ANO4: variants seen among roughly 807,000 people sequenced by gnomAD.
ANO4 encodes anoctamin-4.
ANO4 carries 69 observed loss-of-function variants against 141.9 expected under a neutral mutation model. The observed-to-expected ratio is 0.49, with a 90% CI of 0.40 to 0.59. The LOEUF (loss-of-function observed/expected upper bound fraction) is 0.59, where lower values mean the gene tolerates loss of function less well. Among genes scored for constraint, ANO4 ranks in the 20% least tolerant of loss-of-function variants. The pLI, the probability that ANO4 is intolerant of heterozygous loss-of-function variation, is 0.00. For missense variants in ANO4, 894 were observed against 1,162.2 expected (o/e 0.77, Z 3.36); for synonymous variants, 350 against 394.3 (o/e 0.89, Z 1.33).
intron 17 of ANO4, among the ~76,000 whole-genome samples, chr12:101,087,978 A>G (rs561997767): frequency 1.3e-5 from 2 of 152,262 alleles, no homozygotes; most frequent in African/African-American, 4.8e-5. Flanking sequence ...TAGGCTCAAC[A>G]TGGAAGCCAG....
chr12:100,932,360 TG>T (rs201546956), intron 3 of ANO4, among the ~76,000 whole-genome samples: 2 of 150,784 alleles, frequency 1.3e-5, no homozygotes, highest in African/African-American at 4.8e-5. Flanking sequence ...ATACACTTGC[TG>T]GTTTTTTTTT....
chr12:101,032,448 A>G (rs1022863981), intron 9 of ANO4, among the ~76,000 whole-genome samples: 1 of 152,022 alleles, frequency 6.6e-6, no homozygotes, highest in Non-Finnish European at 1.5e-5. Context: ...AATGGCAACA[A>G]AAGCCACAAT....
At chr12:100,956,921 A>C (rs1764941211) in intron 5 of ANO4, among the ~76,000 whole-genome samples, 2 of 152,176 alleles carry the variant, frequency 1.3e-5, no homozygotes. Flanking sequence ...TTAGTTTGTC[A>C]TTTCCTTTTT....
At chr12:101,115,481 A>G (rs999426588) in intron 24 of ANO4, among the ~76,000 whole-genome samples, 3 of 152,186 alleles carry the variant, frequency 2.0e-5, no homozygotes, top group Non-Finnish European at 2.9e-5. Flanking sequence ...GTAAGAAGTT[A>G]TATAACGTGC....
chr12:100,820,368 A>C (rs985145232), intron 1 of ANO4, among the ~76,000 whole-genome samples: 2 of 151,330 alleles, frequency 1.3e-5, no homozygotes, highest in African/African-American at 4.9e-5. Flanking sequence ...AAAAAAAAAA[A>C]AAATGCCCTT....
chr12:100,994,885 C>T (rs1260833828), intron 8 of ANO4, among the ~76,000 whole-genome samples: 1 of 152,034 alleles, frequency 6.6e-6, no homozygotes, highest in African/African-American at 2.4e-5. Flanking sequence ...GGTAATTTGA[C>T]AACGTCTAGA....
At chr12:100,841,082 C>A (rs1216995616) in intron 1 of ANO4, among the ~76,000 whole-genome samples, 1 of 152,122 alleles carries the variant, frequency 6.6e-6, no homozygotes, top group Admixed American at 6.5e-5. Flanking sequence ...AAAAAAGATG[C>A]CTGTGCCTCA....
intron 1 of ANO4, among the ~76,000 whole-genome samples, chr12:100,891,128 C>T (rs143269164): frequency 6.6e-6 from 1 of 152,302 alleles, no homozygotes; most frequent in African/African-American, 2.4e-5. Flanking sequence ...AAGGTTCCCA[C>T]ATGTCTTTTC....
chr12:100,823,379 T>C (rs547122510), intron 1 of ANO4, among the ~76,000 whole-genome samples: 2 of 152,038 alleles, frequency 1.3e-5, no homozygotes, highest in African/African-American at 4.8e-5. Flanking sequence ...TGGTAAAATA[T>C]CTGTTATTTC....
intron 3 of ANO4, among the ~76,000 whole-genome samples, chr12:100,930,943 C>T (rs1255504374): frequency 6.6e-6 from 1 of 152,132 alleles, no homozygotes; most frequent in Non-Finnish European, 1.5e-5. Context: ...CTCAAAAGGG[C>T]TGTAGGGTTC....
At chr12:100,740,265 T>TG (rs1157399376) in intron 3 of ANO4, among the ~76,000 whole-genome samples, 1 of 152,094 alleles carries the variant, frequency 6.6e-6, no homozygotes, top group African/African-American at 2.4e-5. Flanking sequence ...TTTAATGAGA[T>TG]GGGGTCTCAC....
chr12:100,734,660 C>T (rs540505926), intron 2 of ANO4, among the ~76,000 whole-genome samples: 1 of 151,512 alleles, frequency 6.6e-6, no homozygotes, highest in East Asian at 1.9e-4. Flanking sequence ...AAATTAATTA[C>T]CCAAGATTTC....
intron 1 of ANO4, among the ~76,000 whole-genome samples, chr12:100,831,105 T>C (rs2036609454): frequency 6.6e-6 from 1 of 152,148 alleles, no homozygotes; most frequent in South Asian, 2.1e-4. Flanking sequence ...ATAAAGATCC[T>C]GTGGTTATTG....
At chr12:100,882,711 G>A (rs929899384) in intron 1 of ANO4, among the ~76,000 whole-genome samples, 1 of 151,654 alleles carries the variant, frequency 6.6e-6, no homozygotes, top group Non-Finnish European at 1.5e-5. Context: ...TTGTTTGTTT[G>A]TTTTTGAGAC....
intron 1 of ANO4, among the ~76,000 whole-genome samples, chr12:100,821,752 G>A (rs1043491333): frequency 2.6e-5 from 4 of 151,924 alleles, no homozygotes; most frequent in Non-Finnish European, 4.4e-5. Flanking sequence ...TTCCATTATC[G>A]ATAAACATAA....
chr12:100,918,608 T>C (rs527982959), intron 2 of ANO4, among the ~76,000 whole-genome samples: 1 of 152,312 alleles, frequency 6.6e-6, no homozygotes, highest in South Asian at 2.1e-4. Flanking sequence ...TTGCAGGTGT[T>C]GTAATGTCAT....
At chr12:100,939,473 C>A in intron 4 of ANO4, 22 bp downstream of exon 4, 1 of 1,608,468 alleles carries the variant, frequency 6.2e-7, no homozygotes, top group Non-Finnish European at 8.5e-7. Flanking sequence ...TGATTTCTTA[C>A]AAATGTAATT....
At chr12:100,958,102 C>T (rs2043248534) in intron 5 of ANO4, among the ~76,000 whole-genome samples, 1 of 152,210 alleles carries the variant, frequency 6.6e-6, no homozygotes, top group South Asian at 2.1e-4. Flanking sequence ...TGAATTCTCT[C>T]ACTCCTTTAT....
Position 101,050,162 on chromosome 12 carries a change from C to T in ANO4, c.1312+1761C>T, listed in dbSNP as rs57699300. 3.4e-3 allele frequency among the ~76,000 whole-genome samples: 513 copies of T among 152,020 alleles called. 3 individuals are homozygous for T. The highest frequency in any genetic ancestry group is 0.011 in the African/African-American group (470 of 41,472). ...AAGAACTAGTGGAAAAATTAGAGGG[C>T]GAAAAAGCCAACTGGGAGAAAATGT... On this transcript the variant is annotated intron_variant, in intron 14 of 27. Transcript: ENST00000392977.
Sources: gnomAD v4.1 joint callset for allele counts (sites outside exome capture counted in the v4.1 genomes callset) on GRCh38, gnomAD v4.1.1 for gene constraint, MANE v1.5 for transcripts, NCBI Gene and HGNC (gene_info 2026-07-23, HGNC 2026-07-21) for gene names.